Variants in NCOA4 observed in about 807,000 individuals in gnomAD.
NCOA4 encodes 70 kDa AR-activator.
Under a neutral mutation model 69.5 loss-of-function variants are expected in NCOA4, and 31 were observed. That is an observed-to-expected ratio of 0.45 (90% CI 0.34 to 0.60). The LOEUF (loss-of-function observed/expected upper bound fraction) is 0.60, where lower values mean the gene tolerates loss of function less well. NCOA4 is among the 20% of genes least tolerant of loss of function. NCOA4 has a pLI of 0.02. For synonymous variants in NCOA4, 228 were observed against 252.4 expected, an observed-to-expected ratio of 0.90 and a Z score of 0.92; for missense variants, 600 against 719.2, an observed-to-expected ratio of 0.83 and a Z score of 1.90.
chr10:46,007,646 G>A lies in NCOA4; in HGVS notation c.1840-1049C>T, dbSNP rs1226016744. On this transcript the variant is annotated intron_variant, in intron 9 of 9. Transcript: ENST00000581486. ...CTCCCTCTGTCAACCAGGCAAGACC[G>A]CAGCAGAGCTATTATAGCACACTGC... 4.7e-5 allele frequency among the ~76,000 whole-genome samples: 6 copies of A among 126,840 alleles called. No homozygotes were observed. In the South Asian group the frequency reaches 7.5e-4, roughly 16 times the overall value. 83.2% of individuals were successfully genotyped at this position (126,840 alleles called of 152,430 possible).
In NCOA4 at chr10:46,014,835, AC is replaced by A; in HGVS notation, c.371+18del. ...AAGTTCAAGAGTCAAAAGTTAAAAT[AC>A]GCAAAAAGGGTCATTACCTCTCCAG... On this transcript the variant is annotated intron_variant, in intron 4 of 9. Coordinates refer to ENST00000581486, the MANE Select transcript of NCOA4 (RefSeq NM_001145263.2). 1.5e-5 allele frequency: 24 copies of A among 1,597,642 alleles called. No individual in the cohort carries two copies. Among genetic ancestry groups the A allele is most frequent in the Non-Finnish European group, 2.1e-5 (24 of 1,170,422 alleles).
At chr10:46,012,217 C>G (rs1365233758) in intron 7 of NCOA4, among the ~76,000 whole-genome samples, 1 of 151,196 alleles carries the variant, frequency 6.6e-6, no homozygotes, top group African/African-American at 2.4e-5. Flanking sequence ...TCTTAGGTTT[C>G]AGGGAAGCAG....
At position 46,010,723 on chromosome 10, in the gene NCOA4, C is replaced by T; in HGVS notation, c.1198G>A (p.Val400Ile). Residue 400 changes from valine (V) to isoleucine (I), a missense_variant, in exon 8 of 10, where the codon GTA becomes ATA. Transcript: ENST00000581486. ...LVQNHQDPCKVEEVCRANEPC... is the reference protein window; with the variant it reads ...LVQNHQDPCKIEEVCRANEPC... ...TCATTGGCTCTGCACACCTCCTCTACCTTACATGGGTCCTGATGGTTCTGG... is the reference window on the plus strand; with the variant it reads ...TCATTGGCTCTGCACACCTCCTCTATCTTACATGGGTCCTGATGGTTCTGG... 6.2e-7 allele frequency: 1 copy of T among 1,614,010 alleles called. No homozygotes were observed. Among genetic ancestry groups the T allele is most frequent in the Non-Finnish European group, 8.5e-7 (1 of 1,179,894 alleles).
chr10:46,014,995 T>C, intron 3 of NCOA4, 53 bp from the exon 4 acceptor site: 1 of 1,581,670 alleles, frequency 6.3e-7, no homozygotes, highest in South Asian at 1.1e-5. Flanking sequence ...GCACCAGATA[T>C]ACTCAAGTTA....
chr10:46,026,079 T>A (rs1277681044), intron 1 of NCOA4, among the ~76,000 whole-genome samples: 3 of 152,252 alleles, frequency 2.0e-5, no homozygotes, highest in Admixed American at 6.5e-5. Flanking sequence ...AATTAATGTT[T>A]AGGTTCAGAC....
At chr10:46,013,193 G>C (rs1013279465) in intron 6 of NCOA4, among the ~76,000 whole-genome samples, 167 bp from the exon 7 acceptor site, 1 of 152,112 alleles carries the variant, frequency 6.6e-6, no homozygotes, top group African/African-American at 2.4e-5. Flanking sequence ...CTGATCTCTA[G>C]GGCTCTTCTC....
At chr10:46,016,434 T>C (rs1554923226) in intron 2 of NCOA4, 106 bp downstream of exon 2, 7 of 1,038,322 alleles carry the variant, frequency 6.7e-6, no homozygotes, top group Non-Finnish European at 9.0e-6. Flanking sequence ...ACGCAAGGCA[T>C]GGGGTGAAAT....
intron 1 of NCOA4, chr10:46,027,464 A>T: frequency 4.5e-6 from 7 of 1,551,590 alleles, no homozygotes; most frequent in Non-Finnish European, 6.1e-6. Flanking sequence ...CTGGGCCCCC[A>T]TTCCAGCCTA....
intron 1 of NCOA4, among the ~76,000 whole-genome samples, chr10:46,020,434 G>A (rs1482553629): frequency 3.9e-5 from 6 of 152,188 alleles, no homozygotes; most frequent in African/African-American, 7.2e-5. Context: ...CCTGCACACC[G>A]TAAGCCCTCC....
rs150935599 is a variant in NCOA4, at chr10:46,024,407, G to A, written c.-15+6119C>T. On this transcript the variant is annotated intron_variant, in intron 1 of 9. Coordinates refer to ENST00000581486, the MANE Select transcript of NCOA4 (RefSeq NM_001145263.2). ...TAAATACAAAGAAACTTTGTTGGCC[G>A]TCACCTACTTAACCAACGGTCTCTG... Among the ~76,000 whole-genome samples, 210 of 152,214 alleles carry A rather than the reference G, an allele frequency of 1.4e-3. 2 individuals are homozygous for A. The highest frequency in any genetic ancestry group is 4.6e-3 in the African/African-American group (191 of 41,530).
intron 1 of NCOA4, among the ~76,000 whole-genome samples, chr10:46,023,157 A>C (rs987158959): frequency 1.3e-5 from 2 of 152,200 alleles, no homozygotes; most frequent in Non-Finnish European, 2.9e-5. Context: ...GGCTTTCTAG[A>C]CTTCCCAAAA....
rs1244975990 is a variant in NCOA4, at chr10:46,006,542, CATG to C, written c.*47_*49del. 1.2e-6 allele frequency: 2 copies of C among 1,607,448 alleles called. No individual in the cohort carries two copies. Among genetic ancestry groups the C allele is most frequent in the Non-Finnish European group, 1.7e-6 (2 of 1,174,544 alleles). On this transcript the variant is annotated 3_prime_UTR_variant, in exon 10 of 10. Transcript: ENST00000581486. ...TTTGGCAAGCTGCAGTCACTCAGCT[CATG>C]ATGTGTGATAATCAGCAGAAAGGCT...
At chr10:46,021,573 A>G (rs1554924367) in intron 1 of NCOA4, among the ~76,000 whole-genome samples, 32 of 152,226 alleles carry the variant, frequency 2.1e-4, no homozygotes, top group Non-Finnish European at 1.5e-4. Flanking sequence ...TACTATTGAA[A>G]TAACTTCCGT....
rs541767687 is a variant in NCOA4, at chr10:46,010,897, C to T, written c.1024G>A (p.Val342Ile). The change falls in exon 8 of 10, where the codon GTC becomes ATC. Residue 342 changes from valine to isoleucine, a missense_variant. Transcript: ENST00000581486. ...FQSYNVNDWLVKTDSCTNCQG... is the reference protein window; with the variant it reads ...FQSYNVNDWLIKTDSCTNCQG... ...CAGTTGGTACAGGAGTCAGTCTTGA[C>T]AAGCCAATCATTCACATTATAGGAC... 6.2e-7 allele frequency: 1 copy of T among 1,613,978 alleles called. No individual in the cohort carries two copies. The highest frequency in any genetic ancestry group is 8.5e-7 in the Non-Finnish European group (1 of 1,179,864).
At chr10:46,021,318 T>C (rs1839857603) in intron 1 of NCOA4, among the ~76,000 whole-genome samples, 1 of 152,138 alleles carries the variant, frequency 6.6e-6, no homozygotes, top group South Asian at 2.1e-4. Context: ...GGAAAAAATC[T>C]TGGTCATCTC....
In NCOA4 at chr10:46,010,208, G is replaced by C; in HGVS notation, c.1698+15C>G. The C allele has an allele frequency of 6.3e-7, 1 of 1,576,030 alleles. No individual in the cohort carries two copies. Among genetic ancestry groups the C allele is most frequent in the South Asian group, 1.2e-5 (1 of 84,940 alleles). On this transcript the variant is annotated intron_variant, in intron 8 of 9. Transcript: ENST00000581486. ...ATAAAACTCAAACCAGTGCTATTTT[G>C]ATGTTTATGCTCACCTGGGCCTTCT...
intron 1 of NCOA4, among the ~76,000 whole-genome samples, chr10:46,028,097 G>A (rs1554925848): frequency 6.6e-6 from 1 of 152,058 alleles, no homozygotes; most frequent in Non-Finnish European, 1.5e-5. Flanking sequence ...TGCTCCTTTA[G>A]CTTAACAAGG....
In NCOA4 at chr10:46,005,881, C is replaced by A. The variant is rs1838781144; in HGVS notation, c.*711G>T. The A allele has an allele frequency of 4.8e-6, 1 of 207,182 alleles. No individual in the cohort carries two copies. The highest frequency in any genetic ancestry group is 1.9e-4 in the South Asian group (1 of 5,306). 12.8% of individuals were successfully genotyped at this position (207,182 alleles called of 1,614,324 possible). ...AGAATATTTTAAAAGGCTAGAATTACCTCAAAAATAGTCTTGAAATAATAC... is the reference window on the plus strand; with the variant it reads ...AGAATATTTTAAAAGGCTAGAATTAACTCAAAAATAGTCTTGAAATAATAC... On this transcript the variant is annotated 3_prime_UTR_variant, in exon 10 of 10. Coordinates refer to ENST00000581486, the MANE Select transcript of NCOA4 (RefSeq NM_001145263.2).
chr10:46,015,781 C>T lies in NCOA4; in HGVS notation c.142-515G>A, dbSNP rs554473567. The stretch of plus-strand genomic sequence containing the variant: ...CCCCACAGAATGAGCGGTCCATTTA[C>T]AGGAGGCCAATTTAGTAAAGAGATG... On this transcript the variant is annotated intron_variant, in intron 2 of 9. Coordinates refer to ENST00000581486, the MANE Select transcript of NCOA4 (RefSeq NM_001145263.2). Among the ~76,000 whole-genome samples the T allele has an allele frequency of 2.0e-5, 3 of 152,320 alleles. No individual in the cohort carries two copies. In the South Asian group the frequency reaches 6.2e-4, roughly 32 times the overall value.
Sources: gnomAD v4.1 joint callset for allele counts (sites outside exome capture counted in the v4.1 genomes callset) on GRCh38, gnomAD v4.1.1 for gene constraint, MANE v1.5 for transcripts, NCBI Gene and HGNC (gene_info 2026-07-23, HGNC 2026-07-21) for gene names.